Variants in CCDC91 observed in about 807,000 individuals in gnomAD.
The protein encoded by CCDC91 is coiled-coil domain-containing protein 91.
CCDC91 carries 48 observed loss-of-function variants against 63.2 expected under a neutral mutation model. The ratio of observed to expected loss-of-function variants is 0.76; its 90% CI spans 0.60 to 0.97. The LOEUF (loss-of-function observed/expected upper bound fraction) is 0.97, where lower values mean the gene tolerates loss of function less well. Among genes scored for constraint, CCDC91 ranks in the 50% least tolerant of loss-of-function variants. The pLI is 0.00. For missense variants in CCDC91, 500 were observed against 494.6 expected, an observed-to-expected ratio of 1.01 and a Z score of -0.10; for synonymous variants, 167 against 165.8, an observed-to-expected ratio of 1.01 and a Z score of -0.06.
chr12:28,244,641 TGATATGATG>T (rs1192718322), intron 1 of CCDC91, among the ~76,000 whole-genome samples: 1 of 151,354 alleles, frequency 6.6e-6, no homozygotes, highest in Admixed American at 6.6e-5. Flanking sequence ...ATATGTCTGG[TGATATGATG>T]CTGGCTGTTG....
intron 12 of CCDC91, among the ~76,000 whole-genome samples, chr12:28,528,125 T>C (rs1322606867): frequency 6.6e-6 from 1 of 152,170 alleles, no homozygotes; most frequent in Non-Finnish European, 1.5e-5. Flanking sequence ...AGGAGACTTC[T>C]CAATCGGTTC....
At chr12:28,474,276 T>C (rs77780703) in intron 11 of CCDC91, among the ~76,000 whole-genome samples, 10,470 of 151,846 alleles carry the variant, frequency 0.069, 463 homozygotes, top group Non-Finnish European at 0.1. Context: ...ATGATAATAA[T>C]GTTACATTAT....
intron 12 of CCDC91, among the ~76,000 whole-genome samples, chr12:28,548,453 T>C (rs1208393969): frequency 6.6e-6 from 1 of 152,070 alleles, no homozygotes; most frequent in Non-Finnish European, 1.5e-5. Flanking sequence ...ATATATTTAG[T>C]AGAGATGGTG....
chr12:28,250,054 T>C (rs185464499), intron 1 of CCDC91, among the ~76,000 whole-genome samples: 1 of 152,142 alleles, frequency 6.6e-6, no homozygotes, highest in Non-Finnish European at 1.5e-5. Flanking sequence ...AAGGAGAAGA[T>C]AATGAGATAG....
chr12:28,465,417 G>A (rs1950503433), intron 11 of CCDC91, among the ~76,000 whole-genome samples: 1 of 152,184 alleles, frequency 6.6e-6, no homozygotes, highest in Non-Finnish European at 1.5e-5. Context: ...CTGGCTTCAG[G>A]TCTGACCCAG....
At chr12:28,344,024 T>C (rs893650337) in intron 6 of CCDC91, among the ~76,000 whole-genome samples, 3 of 152,156 alleles carry the variant, frequency 2.0e-5, no homozygotes, top group Admixed American at 2.0e-4. Context: ...TAATTTTTTC[T>C]GGTATTTTAA....
chr12:28,363,876 G>GAAAAAAAAAA (rs34997286), intron 7 of CCDC91, among the ~76,000 whole-genome samples: 3 of 52,548 alleles, frequency 5.7e-5, no homozygotes, highest in African/African-American at 1.8e-4. Flanking sequence ...GGCTCCATCT[G>GAAAAAAAAAA]AAAAAAAAAA....
intron 7 of CCDC91, among the ~76,000 whole-genome samples, chr12:28,389,851 T>C (rs1945827320): frequency 6.6e-6 from 1 of 152,112 alleles, no homozygotes; most frequent in Non-Finnish European, 1.5e-5. Context: ...TTAACTTTTC[T>C]GAAATCCCAA....
chr12:28,273,130 G>C (rs1406216251), intron 3 of CCDC91, among the ~76,000 whole-genome samples: 1 of 151,824 alleles, frequency 6.6e-6, no homozygotes, highest in East Asian at 1.9e-4. Context: ...GAGAATGATG[G>C]TTTCCAGCTT....
intron 11 of CCDC91, among the ~76,000 whole-genome samples, chr12:28,479,675 A>G (rs1006679405): frequency 1.3e-5 from 2 of 152,062 alleles, no homozygotes; most frequent in Non-Finnish European, 2.9e-5. Context: ...ACAAACACAG[A>G]TACAAATTTC....
intron 1 of CCDC91, among the ~76,000 whole-genome samples, chr12:28,209,228 A>G (rs1303266508): frequency 6.6e-6 from 1 of 152,178 alleles, no homozygotes; most frequent in African/African-American, 2.4e-5. Context: ...AATCAATTCA[A>G]TCTTGGTTTG....
chr12:28,390,626 T>A (rs1427966760), intron 7 of CCDC91, among the ~76,000 whole-genome samples: 2 of 152,190 alleles, frequency 1.3e-5, no homozygotes, highest in Non-Finnish European at 2.9e-5. Flanking sequence ...TTTATCTGAC[T>A]TGAGTTCCAG....
intron 12 of CCDC91, among the ~76,000 whole-genome samples, chr12:28,502,657 G>A (rs1383262784): frequency 1.3e-5 from 2 of 151,236 alleles, no homozygotes; most frequent in Admixed American, 6.6e-5. Context: ...AAAGCTGGAG[G>A]CATCATGCTA....
chr12:28,444,804 C>T (rs549710853), intron 8 of CCDC91, among the ~76,000 whole-genome samples: 1 of 152,026 alleles, frequency 6.6e-6, no homozygotes, highest in South Asian at 2.1e-4. Flanking sequence ...ATGTAACAAA[C>T]CTTCACATGT....
intron 6 of CCDC91, among the ~76,000 whole-genome samples, chr12:28,325,569 T>C (rs1940913270): frequency 6.6e-6 from 1 of 151,964 alleles, no homozygotes; most frequent in South Asian, 2.1e-4. Flanking sequence ...ATTGTGAGTA[T>C]TGGAGTAGAG....
intron 6 of CCDC91, among the ~76,000 whole-genome samples, chr12:28,337,090 G>GT (rs1450323621): frequency 6.6e-6 from 1 of 152,068 alleles, no homozygotes; most frequent in Admixed American, 6.6e-5. Context: ...TCAGTATCAA[G>GT]TAGCTTTTCC....
chr12:28,233,296 A>G (rs1471548096), intron 1 of CCDC91, among the ~76,000 whole-genome samples: 2 of 152,052 alleles, frequency 1.3e-5, no homozygotes, highest in Admixed American at 6.6e-5. Flanking sequence ...TCTGTTACAT[A>G]TATTAGTTTT....
At chr12:28,194,935 T>C (rs1941625011) in intron 1 of CCDC91, among the ~76,000 whole-genome samples, 1 of 152,212 alleles carries the variant, frequency 6.6e-6, no homozygotes, top group Non-Finnish European at 1.5e-5. Context: ...GTGTTACAGC[T>C]CATAAAGATA....
At chr12:28,256,041 T>G (rs1447028652) in intron 1 of CCDC91, 1 of 152,192 alleles carries the variant, frequency 6.6e-6, no homozygotes, top group Non-Finnish European at 1.5e-5. Flanking sequence ...AAGTCCATCT[T>G]GTATTACTGA....
Sources: allele counts gnomAD v4.1 joint callset (sites outside exome capture counted in the v4.1 genomes callset), GRCh38; gene constraint gnomAD v4.1.1; transcripts MANE v1.5; gene names NCBI Gene and HGNC (gene_info 2026-07-23, HGNC 2026-07-21).